Variants in DNAH7 observed in about 807,000 individuals in gnomAD.
DNAH7 encodes axonemal beta dynein heavy chain 7.
DNAH7 carries 397 observed loss-of-function variants against 444.6 expected under a neutral mutation model. That is an observed-to-expected ratio of 0.89 (90% CI 0.82 to 0.97). DNAH7 has a LOEUF of 0.97. DNAH7 is among the 50% of genes least tolerant of loss of function. The probability of loss-of-function intolerance (pLI) is 0.00; values close to 1 mark genes in which losing one functional copy is unlikely to be tolerated. For missense variants in DNAH7, 4,902 were observed against 4,800.8 expected (o/e 1.02, Z -0.62); for synonymous variants, 1,636 against 1,624.4 (o/e 1.01, Z -0.17).
At chr2:195,827,436 C>A (rs1697822064) in intron 48 of DNAH7, among the ~76,000 whole-genome samples, 1 of 151,996 alleles carries the variant, frequency 6.6e-6, no homozygotes, top group African/African-American at 2.4e-5. Flanking sequence ...TACCATCACA[C>A]CCAGCTAATT....
At chr2:195,881,724 T>C in intron 36 of DNAH7, 71 bp downstream of exon 36, 3 of 1,443,950 alleles carry the variant, frequency 2.1e-6, no homozygotes, top group Non-Finnish European at 2.8e-6. Context: ...AAAAATTATT[T>C]GTCTGCTATT....
intron 12 of DNAH7, among the ~76,000 whole-genome samples, chr2:195,998,371 C>T (rs1321620771): frequency 2.0e-5 from 3 of 151,962 alleles, no homozygotes; most frequent in African/African-American, 7.3e-5. Context: ...TCAGGAAGAT[C>T]GAGACCATCT....
chr2:195,973,805 C>T (rs529846727), intron 15 of DNAH7, among the ~76,000 whole-genome samples: 6 of 152,164 alleles, frequency 3.9e-5, no homozygotes, highest in Middle Eastern at 3.4e-3. Flanking sequence ...TATTAAAAAT[C>T]GGCCGGGTGT....
Position 195,888,885 on chromosome 2 carries a change from G to T in DNAH7, c.5143C>A (p.Leu1715Met), listed in dbSNP as rs1291718566. 6.8e-6 allele frequency: 11 copies of T among 1,613,882 alleles called. No individual in the cohort carries two copies. The highest frequency in any genetic ancestry group is 1.7e-5 in the Admixed American group (1 of 59,998). ...TVLDDNKKLC[L>M]MSGEIIQMSP... The stretch of plus-strand genomic sequence containing the variant: ...ATCTGAATAATCTCCCCACTCATCA[G>T]ACATAGCTTCTTGTTGTCATCCAGC... Residue 1715 changes from leucine to methionine, a missense_variant, in exon 32 of 65, where the codon CTG (leucine) becomes ATG (methionine). Transcript: ENST00000312428.
intron 15 of DNAH7, among the ~76,000 whole-genome samples, chr2:195,977,257 TGAAG>T (rs1428337271): frequency 6.6e-6 from 1 of 152,166 alleles, no homozygotes; most frequent in Non-Finnish European, 1.5e-5. Context: ...GATAACACCA[TGAAG>T]GAATTCAGAA....
chr2:196,047,567 TTAAAA>T (rs1301013951), intron 4 of DNAH7, 68 bp from the exon 5 acceptor site: 1 of 1,275,334 alleles, frequency 7.8e-7, no homozygotes, highest in African/African-American at 1.5e-5. Context: ...TTTCACATGC[TTAAAA>T]TAAGATGCTA....
At chr2:195,942,736 T>C (rs954622323) in intron 19 of DNAH7, among the ~76,000 whole-genome samples, 13 of 152,242 alleles carry the variant, frequency 8.5e-5, no homozygotes, top group African/African-American at 2.9e-4. Flanking sequence ...GCAGATTACA[T>C]GGTTAATTGG....
intron 22 of DNAH7, among the ~76,000 whole-genome samples, chr2:195,924,755 C>A (rs189534033): frequency 1.2e-4 from 19 of 152,182 alleles, no homozygotes; most frequent in Non-Finnish European, 1.9e-4. Context: ...TATAAAGATG[C>A]TAATAAACAA....
At chr2:195,844,346 T>C (rs999071238) in intron 47 of DNAH7, among the ~76,000 whole-genome samples, 1 of 152,144 alleles carries the variant, frequency 6.6e-6, no homozygotes, top group Non-Finnish European at 1.5e-5. Flanking sequence ...CTGAGAAAAC[T>C]GGCCGAGTGA....
intron 64 of DNAH7, 116 bp downstream of exon 64, chr2:195,740,650 T>C (rs200687681): frequency 0.16 from 11,210 of 72,174 alleles, 645 homozygotes; most frequent in East Asian, 0.36. Flanking sequence ...TATATACATA[T>C]ACACACACAC....
chr2:195,849,079 A>G (rs1338603797), intron 46 of DNAH7, among the ~76,000 whole-genome samples: 1 of 152,056 alleles, frequency 6.6e-6, no homozygotes, highest in Non-Finnish European at 1.5e-5. Flanking sequence ...CAATTTTTTT[A>G]TTACTAATTT....
chr2:195,873,481 T>G, intron 39 of DNAH7, 87 bp downstream of exon 39: 2 of 871,040 alleles, frequency 2.3e-6, no homozygotes, highest in Non-Finnish European at 3.2e-6. Flanking sequence ...ATGCTTTTGT[T>G]CTTTGAAATA....
intron 49 of DNAH7, among the ~76,000 whole-genome samples, chr2:195,819,094 G>A (rs966505233): frequency 3.3e-5 from 5 of 152,166 alleles, no homozygotes; most frequent in African/African-American, 1.2e-4. Flanking sequence ...TTCAGTGTTT[G>A]CTCTACGCCC....
intron 58 of DNAH7, among the ~76,000 whole-genome samples, chr2:195,780,286 T>C (rs2105959760): frequency 6.6e-6 from 1 of 152,292 alleles, no homozygotes; most frequent in East Asian, 1.9e-4. Flanking sequence ...AATTATTCAC[T>C]CTGATCTATG....
chr2:195,771,614 C>A (rs769347243), intron 61 of DNAH7, 46 bp downstream of exon 61: 1 of 1,353,982 alleles, frequency 7.4e-7, no homozygotes, highest in Non-Finnish European at 1.1e-6. Context: ...TAAATGAATG[C>A]TATATATAAT....
intron 36 of DNAH7, among the ~76,000 whole-genome samples, chr2:195,881,161 G>T (rs1298894581): frequency 3.3e-5 from 5 of 152,048 alleles, no homozygotes; most frequent in African/African-American, 1.2e-4. Flanking sequence ...TACTAGGATG[G>T]CTATGTAACT....
rs1261267000 is a variant in DNAH7 at position 196,024,419 on chromosome 2, G to C, written c.743+10C>G. ...ATAATCAACATTCTTAGAGAAATCT[G>C]ATCACTTACTCAGCACGATGGGCTG... is the stretch of plus-strand genomic sequence containing the variant. On this transcript the variant is annotated intron_variant, in intron 8 of 64. Transcript: ENST00000312428. The C allele has an allele frequency of 1.3e-6, 2 of 1,549,012 alleles. No individual in the cohort carries two copies. Among genetic ancestry groups the C allele is most frequent in the African/African-American group, 1.4e-5 (1 of 71,714 alleles).
At chr2:195,891,619 C>A in intron 31 of DNAH7, 36 bp downstream of exon 31, 11 of 1,475,800 alleles carry the variant, frequency 7.5e-6, no homozygotes, top group South Asian at 3.1e-5. Context: ...ATATCTTAAC[C>A]TTTTAAGATA....
intron 61 of DNAH7, among the ~76,000 whole-genome samples, chr2:195,766,964 T>C (rs1386751537): frequency 6.6e-6 from 1 of 152,166 alleles, no homozygotes; most frequent in African/African-American, 2.4e-5. Flanking sequence ...ACTTCTCTTT[T>C]TTTGCTTTGT....
Sources: gnomAD v4.1 joint callset for allele counts (sites outside exome capture counted in the v4.1 genomes callset) on GRCh38, gnomAD v4.1.1 for gene constraint, MANE v1.5 for transcripts, NCBI Gene and HGNC (gene_info 2026-07-23, HGNC 2026-07-21) for gene names.